Variants in TESK2 observed in about 807,000 individuals in gnomAD.
The protein encoded by TESK2 is dual specificity testis-specific protein kinase 2.
TESK2 carries 39 observed loss-of-function variants against 57.1 expected under a neutral mutation model. The observed-to-expected ratio is 0.68, with a 90% CI of 0.53 to 0.89. The LOEUF is 0.89. Among genes scored for constraint, TESK2 ranks in the 40% least tolerant of loss-of-function variants. The probability of loss-of-function intolerance (pLI) is 0.00; values close to 1 mark genes in which losing one functional copy is unlikely to be tolerated. For synonymous variants in TESK2, 249 were observed against 267.9 expected, an observed-to-expected ratio of 0.93 and a Z score of 0.69; for missense variants, 646 against 732.1, an observed-to-expected ratio of 0.88 and a Z score of 1.36.
intron 2 of TESK2, among the ~76,000 whole-genome samples, chr1:45,452,636 C>T (rs556766603): frequency 2.0e-5 from 3 of 152,020 alleles, no homozygotes; most frequent in South Asian, 2.1e-4. Flanking sequence ...AGCCTGGGCA[C>T]GGTGGCTAAC....
intron 1 of TESK2, among the ~76,000 whole-genome samples, chr1:45,471,996 A>G (rs1652783792): frequency 6.6e-6 from 1 of 152,136 alleles, no homozygotes; most frequent in South Asian, 2.1e-4. Context: ...TCACGCCTGT[A>G]ATCCCAGCAC....
At chr1:45,418,956 C>A (rs1650353519) in intron 3 of TESK2, among the ~76,000 whole-genome samples, 1 of 151,286 alleles carries the variant, frequency 6.6e-6, no homozygotes, top group South Asian at 2.1e-4. Context: ...CGGTTCAAGT[C>A]CCCTCCTAGA....
At position 45,440,715 on chromosome 1, in the gene TESK2, CAAA is replaced by C. The variant is rs557852510; in HGVS notation, c.222+16846_222+16848del. On this transcript the variant is annotated intron_variant, in intron 2 of 10. Transcript: ENST00000372086. ...TGGGTGACAGAGCAAGACTCGGTCT[CAAA>C]AAAAAAAAACAAACAAACAAACAAA... Among the ~76,000 whole-genome samples, 340 of 128,664 alleles carry C rather than the reference CAAA, an allele frequency of 2.6e-3. 3 individuals are homozygous for C. Among genetic ancestry groups the C allele is most frequent in the African/African-American group, 8.5e-3 (317 of 37,134 alleles). The allele number at this position is 128,664 out of a possible 152,430, so 84.4% of individuals were successfully genotyped here.
chr1:45,378,651 T>C (rs141909589), intron 4 of TESK2, among the ~76,000 whole-genome samples: 96 of 152,316 alleles, frequency 6.3e-4, no homozygotes, highest in African/African-American at 2.3e-3. Context: ...ATACCTGACC[T>C]ACAAAATCAC....
chr1:45,474,572 G>A (rs913421895), intron 1 of TESK2, among the ~76,000 whole-genome samples: 5 of 151,662 alleles, frequency 3.3e-5, no homozygotes, highest in East Asian at 1.9e-4. Context: ...TCCTGGGTTC[G>A]AGCGATTCTC....
rs1273420136 is a variant in TESK2, at chr1:45,391,737, A to T, written c.345-5777T>A. ...GGATCTCCTGGACGCCCTTAGCATTAATCTCTTCTCTCTCTCTTTTGTCTC... is the reference window on the plus strand; with the variant it reads ...GGATCTCCTGGACGCCCTTAGCATTTATCTCTTCTCTCTCTCTTTTGTCTC... On this transcript the variant is annotated intron_variant, in intron 3 of 10. Coordinates refer to ENST00000372086, the MANE Select transcript of TESK2 (RefSeq NM_007170.3). 7.9e-5 allele frequency among the ~76,000 whole-genome samples: 12 copies of T among 152,114 alleles called. 1 individual carries two copies.
At chr1:45,415,069 C>G in intron 3 of TESK2, 1 of 1,339,102 alleles carries the variant, frequency 7.5e-7, no homozygotes. Flanking sequence ...AACAGCGAGC[C>G]CTTGGGCCAC....
At chr1:45,429,610 C>G (rs949542353) in intron 2 of TESK2, among the ~76,000 whole-genome samples, 4 of 151,982 alleles carry the variant, frequency 2.6e-5, no homozygotes, top group Non-Finnish European at 5.9e-5. Flanking sequence ...GATTGAGTTC[C>G]TGCACTAGGC....
At chr1:45,404,548 ATT>A (rs113551170) in intron 3 of TESK2, among the ~76,000 whole-genome samples, 1 of 145,274 alleles carries the variant, frequency 6.9e-6, no homozygotes, top group Non-Finnish European at 1.5e-5. Flanking sequence ...TTATTTAATT[ATT>A]TTTTTTTTTT....
intron 3 of TESK2, among the ~76,000 whole-genome samples, chr1:45,420,931 C>A (rs1289338470): frequency 6.6e-5 from 10 of 151,936 alleles, no homozygotes; most frequent in Admixed American, 6.6e-4. Flanking sequence ...ACTAAAATAT[C>A]AAAATAATTA....
At chr1:45,410,620 T>G (rs559580187) in intron 3 of TESK2, among the ~76,000 whole-genome samples, 5 of 152,016 alleles carry the variant, frequency 3.3e-5, no homozygotes, top group Non-Finnish European at 7.4e-5. Flanking sequence ...AAAAAAAATT[T>G]TTTTTTAAAA....
intron 2 of TESK2, among the ~76,000 whole-genome samples, chr1:45,425,887 G>A (rs6691750): frequency 0.05 from 7,539 of 152,098 alleles, 665 homozygotes; most frequent in African/African-American, 0.17. Context: ...GCTTATGCCT[G>A]TAATCCCAGC....
intron 4 of TESK2, among the ~76,000 whole-genome samples, chr1:45,369,870 C>A (rs951274991): frequency 1.3e-5 from 2 of 152,066 alleles, no homozygotes; most frequent in African/African-American, 4.8e-5. Flanking sequence ...CACCATCACA[C>A]CCAGCTAATT....
chr1:45,479,393 A>G lies in TESK2; in HGVS notation c.-87+11459T>C, dbSNP rs114047950. On this transcript the variant is annotated intron_variant, in intron 1 of 10. Coordinates refer to ENST00000372086, the MANE Select transcript of TESK2 (RefSeq NM_007170.3). Reference sequence around the variant, plus strand: ...CAAGGAAAACACTGACCACAAGATCAATACCACCCTAGTTTTCCATACTGC... The same window carrying G: ...CAAGGAAAACACTGACCACAAGATCGATACCACCCTAGTTTTCCATACTGC... Among the ~76,000 whole-genome samples the G allele has an allele frequency of 1.4e-3, 211 of 152,260 alleles. 1 individual carries two copies. The highest frequency in any genetic ancestry group is 2.0e-3 in the Non-Finnish European group (137 of 68,018).
chr1:45,373,921 C>G (rs780366850), intron 4 of TESK2, among the ~76,000 whole-genome samples: 1 of 152,138 alleles, frequency 6.6e-6, no homozygotes. Context: ...AACATAGAAC[C>G]AACTCCTGGG....
At chr1:45,419,240 T>C (rs1650366477) in intron 3 of TESK2, among the ~76,000 whole-genome samples, 1 of 152,102 alleles carries the variant, frequency 6.6e-6, no homozygotes, top group Non-Finnish European at 1.5e-5. Flanking sequence ...CCTCCCAAAG[T>C]GCTGGGATTA....
intron 1 of TESK2, among the ~76,000 whole-genome samples, chr1:45,473,795 G>GGATTT (rs1417736605): frequency 1.4e-5 from 2 of 146,668 alleles, no homozygotes; most frequent in Non-Finnish European, 3.1e-5. Flanking sequence ...AGACAATTAG[G>GGATTT]GATTTTTTTT....
chr1:45,386,810 C>T (rs1648918809), intron 3 of TESK2, among the ~76,000 whole-genome samples: 1 of 152,052 alleles, frequency 6.6e-6, no homozygotes, highest in African/African-American at 2.4e-5. Context: ...TGCGCCACCA[C>T]GCCCAGCTAA....
In TESK2 at chr1:45,345,192, C is replaced by T. The variant is rs372877245; in HGVS notation, c.1364G>A (p.Arg455His). The T allele has an allele frequency of 2.4e-5, 38 of 1,614,070 alleles. 1 individual carries two copies. The highest frequency in any genetic ancestry group is 9.9e-5 in the South Asian group (9 of 91,088). ...EPLAPPIRRW[R>H]SLPGSPEFLH... ...GAACTCAGGCGAACCAGGCAAGGAA[C>T]GCCACCGGCGAATAGGTGGGGCCAG... Residue 455 changes from arginine (R) to histidine (H), a missense_variant, in exon 11 of 11, where the codon CGT becomes CAT. Coordinates refer to ENST00000372086, the MANE Select transcript of TESK2 (RefSeq NM_007170.3).
Sources: gnomAD v4.1 joint callset for allele counts (sites outside exome capture counted in the v4.1 genomes callset) on GRCh38, gnomAD v4.1.1 for gene constraint, MANE v1.5 for transcripts, NCBI Gene and HGNC (gene_info 2026-07-23, HGNC 2026-07-21) for gene names.